Variants in NUP210L observed in about 807,000 individuals in gnomAD.
The protein encoded by NUP210L is nuclear pore membrane glycoprotein 210-like.
NUP210L carries 74 observed loss-of-function variants against 208.5 expected under a neutral mutation model. The observed-to-expected ratio is 0.35, with a 90% CI of 0.29 to 0.43. The LOEUF is 0.43. Ranked by LOEUF, NUP210L falls within the 20% of genes least tolerant of loss-of-function variation. NUP210L has a pLI of 1.00. For synonymous variants in NUP210L, 780 were observed against 816.9 expected, an observed-to-expected ratio of 0.95 and a Z score of 0.77; for missense variants, 1,843 against 2,289.4, an observed-to-expected ratio of 0.81 and a Z score of 3.98.
chr1:154,127,089 G>A (rs140049326), intron 9 of NUP210L, among the ~76,000 whole-genome samples: 644 of 144,464 alleles, frequency 4.5e-3, no homozygotes, highest in Non-Finnish European at 7.6e-3. Flanking sequence ...CTGGGTGACA[G>A]AGCGAGACTG....
At chr1:154,150,755 A>T (rs563358247) in intron 2 of NUP210L, among the ~76,000 whole-genome samples, 40 of 151,796 alleles carry the variant, frequency 2.6e-4, no homozygotes, top group African/African-American at 9.7e-4. Flanking sequence ...AAAAGGACTT[A>T]AATGCCAATG....
At chr1:154,017,752 G>C (rs2147920800) in intron 33 of NUP210L, among the ~76,000 whole-genome samples, 1 of 152,056 alleles carries the variant, frequency 6.6e-6, no homozygotes, top group South Asian at 2.1e-4. Context: ...TTCTGACCTT[G>C]TGATCCACCT....
At chr1:154,013,710 G>A (rs1651090863) in intron 33 of NUP210L, among the ~76,000 whole-genome samples, 1 of 152,096 alleles carries the variant, frequency 6.6e-6, no homozygotes, top group South Asian at 2.1e-4. Context: ...AAAGTACATT[G>A]TTTTTTCTCA....
intron 28 of NUP210L, among the ~76,000 whole-genome samples, chr1:154,028,315 G>A (rs1652014467): frequency 6.6e-6 from 1 of 152,092 alleles, no homozygotes; most frequent in African/African-American, 2.4e-5. Flanking sequence ...GGCTGGACGC[G>A]GTGGCTCATA....
chr1:154,013,344 C>T (rs1477541813), intron 33 of NUP210L, among the ~76,000 whole-genome samples: 4 of 152,222 alleles, frequency 2.6e-5, no homozygotes, highest in South Asian at 2.1e-4. Flanking sequence ...GAGGCTGAGG[C>T]GGGTGGATCA....
chr1:154,023,437 T>G (rs777694794), intron 30 of NUP210L, 140 bp from the exon 31 acceptor site: 1 of 637,690 alleles, frequency 1.6e-6, no homozygotes, highest in Non-Finnish European at 2.6e-6. Context: ...ATGACTTAAG[T>G]CAGAGTGAAA....
At chr1:154,110,552 G>A (rs1226433807) in intron 12 of NUP210L, among the ~76,000 whole-genome samples, 1 of 151,420 alleles carries the variant, frequency 6.6e-6, no homozygotes, top group Non-Finnish European at 1.5e-5. Flanking sequence ...TTACAGGTGT[G>A]AGCCACCGCA....
At chr1:154,060,193 C>T (rs187884722) in intron 20 of NUP210L, among the ~76,000 whole-genome samples, 4 of 152,134 alleles carry the variant, frequency 2.6e-5, no homozygotes, top group African/African-American at 9.6e-5. Flanking sequence ...GAGCCGAGAT[C>T]GCACCACTGC....
intron 16 of NUP210L, among the ~76,000 whole-genome samples, chr1:154,075,331 C>T (rs1249675090): frequency 6.6e-6 from 1 of 152,116 alleles, no homozygotes; most frequent in Non-Finnish European, 1.5e-5. Context: ...TATATACACA[C>T]ACATATACAC....
In NUP210L at chr1:154,138,285, A is replaced by C. The variant is rs763019760; in HGVS notation, c.718-47T>G. ...AAAAAAAAACAGTTTCCATGGACGG[A>C]ACCCTCACAGTCATCTTTCTTGTTA... On this transcript the variant is annotated intron_variant, in intron 5 of 39. Transcript: ENST00000368559. 4 of 1,494,618 alleles carry C rather than the reference A, an allele frequency of 2.7e-6. No individual in the cohort carries two copies. The African/African-American group carries it at 5.9e-5, about 22-fold the overall frequency. 92.6% of individuals were successfully genotyped at this position (1,494,618 alleles called of 1,614,324 possible).
chr1:153,999,163 T>C (rs1290943693), intron 37 of NUP210L, among the ~76,000 whole-genome samples: 1 of 152,180 alleles, frequency 6.6e-6, no homozygotes, highest in Non-Finnish European at 1.5e-5. Context: ...CATTAGGAGA[T>C]ACACTATAAT....
intron 22 of NUP210L, among the ~76,000 whole-genome samples, chr1:154,057,318 G>A (rs2147991793): frequency 6.6e-6 from 1 of 152,098 alleles, no homozygotes; most frequent in East Asian, 1.9e-4. Flanking sequence ...ATCTTTCCAA[G>A]GTGCTTAACA....
rs370963375 is a variant in NUP210L at position 154,148,766 on chromosome 1, G to A, written c.340+3970C>T. The stretch of plus-strand genomic sequence containing the variant: ...CCAAGTTAAAATAATTAAAGACAAA[G>A]ACATGGGGGTCTATGAACAAAAAAC... On this transcript the variant is annotated intron_variant, in intron 2 of 39. Transcript: ENST00000368559. Among the ~76,000 whole-genome samples the A allele has an allele frequency of 3.3e-5, 5 of 152,142 alleles. No homozygotes were observed. The East Asian group carries it at 9.7e-4, about 29-fold the overall frequency.
chr1:154,112,305 C>CT (rs1657082436), intron 12 of NUP210L, among the ~76,000 whole-genome samples: 1 of 152,018 alleles, frequency 6.6e-6, no homozygotes, highest in South Asian at 2.1e-4. Context: ...CTTCGGGAGG[C>CT]TGAGGTGGGA....
At chr1:154,147,584 TC>T (rs1363728830) in intron 2 of NUP210L, among the ~76,000 whole-genome samples, 1 of 151,494 alleles carries the variant, frequency 6.6e-6, no homozygotes, top group African/African-American at 2.4e-5. Flanking sequence ...GCTCAAGTGT[TC>T]CTCCTGCCTC....
At chr1:154,112,935 T>C (rs1484099966) in intron 12 of NUP210L, among the ~76,000 whole-genome samples, 2 of 150,478 alleles carry the variant, frequency 1.3e-5, no homozygotes, top group East Asian at 3.9e-4. Context: ...AGCAGGTGGA[T>C]CACCTGAGGT....
chr1:153,995,442 A>G (rs1283199409), intron 37 of NUP210L, among the ~76,000 whole-genome samples: 1 of 152,198 alleles, frequency 6.6e-6, no homozygotes, highest in Non-Finnish European at 1.5e-5. Context: ...AGAGCTTCAG[A>G]TGTGAACTAT....
chr1:154,069,493 A>T (rs1401404360), intron 17 of NUP210L, among the ~76,000 whole-genome samples: 1 of 152,220 alleles, frequency 6.6e-6, no homozygotes, highest in African/African-American at 2.4e-5. Flanking sequence ...CAAAGCCACA[A>T]TGAGATACCA....
intron 30 of NUP210L, among the ~76,000 whole-genome samples, chr1:154,025,184 T>C (rs1242161146): frequency 6.6e-6 from 1 of 151,956 alleles, no homozygotes; most frequent in Admixed American, 6.6e-5. Flanking sequence ...TGCCTCAGCC[T>C]CCCAAAGTGC....
Sources: gnomAD v4.1 joint callset for allele counts (sites outside exome capture counted in the v4.1 genomes callset) on GRCh38, gnomAD v4.1.1 for gene constraint, MANE v1.5 for transcripts, NCBI Gene and HGNC (gene_info 2026-07-23, HGNC 2026-07-21) for gene names.